The following PEX1 variants were observed in gnomAD, a reference collection of about 807,000 sequenced individuals.
PEX1 encodes peroxisomal biogenesis factor 1.
A neutral mutation model predicts 152.5 loss-of-function variants in PEX1; 97 were observed. That is an observed-to-expected ratio of 0.64 (90% CI 0.54 to 0.75). The LOEUF is 0.75. Among genes scored for constraint, PEX1 ranks in the 30% least tolerant of loss-of-function variants. The probability of loss-of-function intolerance (pLI) is 0.00; values close to 1 mark genes in which losing one functional copy is unlikely to be tolerated. For synonymous variants in PEX1, 485 were observed against 531.6 expected (o/e 0.91, Z 1.21); for missense variants, 1,357 against 1,516.3 (o/e 0.89, Z 1.74).
rs148562385 is a variant in PEX1 at position 92,494,803 on chromosome 7, A to T, written c.2784-174T>A. On this transcript the variant is annotated intron_variant, in intron 17 of 23. Transcript: ENST00000248633. ...AAGTTGTATGTAATTACATATAAAT[A>T]CATATAAATGTATTTATATATATTT... is the stretch of plus-strand genomic sequence containing the variant. Among the ~76,000 whole-genome samples the T allele has an allele frequency of 5.3e-3, 802 of 151,344 alleles. 5 individuals are homozygous for T. Among genetic ancestry groups the T allele is most frequent in the African/African-American group, 0.018 (738 of 41,456 alleles).
intron 19 of PEX1, 92 bp from the exon 20 acceptor site, chr7:92,493,221 C>T (rs1205344260): frequency 4.2e-6 from 3 of 722,254 alleles, no homozygotes; most frequent in Non-Finnish European, 6.8e-6. Flanking sequence ...CATAAATTAA[C>T]CTTATATATC....
At chr7:92,528,271 G>C in intron 1 of PEX1, 36 bp downstream of exon 1, 1 of 1,547,770 alleles carries the variant, frequency 6.5e-7, no homozygotes, top group South Asian at 1.2e-5. Context: ...TCCGACCCCA[G>C]GCTGAAGATC....
At chr7:92,516,603 A>G (rs1290498787) in intron 5 of PEX1, among the ~76,000 whole-genome samples, 1 of 152,076 alleles carries the variant, frequency 6.6e-6, no homozygotes, top group Non-Finnish European at 1.5e-5. Context: ...CTTTATCACT[A>G]TGAAGTCTTA....
chr7:92,499,748 C>T lies in PEX1; in HGVS notation c.2674G>A (p.Gly892Arg), dbSNP rs1350051386. The part of the protein sequence containing the change: ...PPGTGKTLLA[G>R]VIARESRMNF... Reference sequence around the variant, plus strand: ...ATTCTACTCTCTCGTGCAATTACCCCAGCTAGTAAGGTTTTTCCTGTTCCA... The same window carrying T: ...ATTCTACTCTCTCGTGCAATTACCCTAGCTAGTAAGGTTTTTCCTGTTCCA... Residue 892 changes from glycine (G) to arginine (R), a missense_variant, in exon 16 of 24, where the codon GGG becomes AGG. Physicochemically the swap from Gly to Arg is moderately radical, Grantham distance 125. Transcript: ENST00000248633. 1 of 1,613,328 alleles carries T rather than the reference C, an allele frequency of 6.2e-7. No homozygotes were observed. The highest frequency in any genetic ancestry group is 1.3e-5 in the African/African-American group (1 of 74,888).
At chr7:92,493,831 T>G in intron 19 of PEX1, 1 of 193,230 alleles carries the variant, frequency 5.2e-6, no homozygotes, top group South Asian at 1.0e-4. Flanking sequence ...TGTCTATCTG[T>G]TCTTTCATTC....
chr7:92,522,246 C>A lies in PEX1; in HGVS notation c.130-1G>T, dbSNP rs1028247729. ...TCCAGACCACTTCTATAGCTTGATT[C>A]TATTCATATAAGAAATGAGAGGAAA... is the stretch of plus-strand genomic sequence containing the variant. On this transcript the variant is annotated splice_acceptor_variant, in intron 1 of 23. Coordinates refer to ENST00000248633, the MANE Select transcript of PEX1 (RefSeq NM_000466.3). LOFTEE classifies it high-confidence loss of function. 2.5e-6 allele frequency: 4 copies of A among 1,613,682 alleles called. No homozygotes were observed. Among genetic ancestry groups the A allele is most frequent in the Non-Finnish European group, 3.4e-6 (4 of 1,179,926 alleles).
rs989737484 is a variant in PEX1, at chr7:92,517,636, T to C, written c.879A>G (p.Gln293=). The change falls in exon 5 of 24, where the codon CAA becomes CAG. Residue 293 remains glutamine, a synonymous_variant. Transcript: ENST00000248633. ...CTGACGCGTTATATATACTAGGAGG[T>C]TGAGATTTGCATACTCTGAAAATAT... ...LDNIFRVCKS[Q]PPSIYNASAT... is the part of the protein sequence containing the mutation. 1.2e-6 allele frequency: 2 copies of C among 1,613,894 alleles called. No individual in the cohort carries two copies. The highest frequency in any genetic ancestry group is 2.2e-5 in the East Asian group (1 of 44,880).
intron 8 of PEX1, 176 bp downstream of exon 8, chr7:92,510,768 T>C (rs1158393797): frequency 4.1e-6 from 2 of 491,250 alleles, no homozygotes; most frequent in Non-Finnish European, 7.3e-6. Flanking sequence ...GTCAATAATT[T>C]GTACAGATAA....
chr7:92,512,652 G>A (rs1366616875), intron 6 of PEX1, among the ~76,000 whole-genome samples: 6 of 151,696 alleles, frequency 4.0e-5, no homozygotes, highest in African/African-American at 4.8e-5. Context: ...ACCACGCCCC[G>A]ATAATTTTGG....
intron 5 of PEX1, among the ~76,000 whole-genome samples, chr7:92,516,048 G>GAAAA (rs1349969074): frequency 2.1e-3 from 193 of 92,000 alleles, no homozygotes; most frequent in African/African-American, 7.9e-3. Context: ...GAAGAGAAGA[G>GAAAA]AAGAGAAAAA....
intron 10 of PEX1, 130 bp from the exon 11 acceptor site, chr7:92,506,474 G>C: frequency 4.3e-6 from 3 of 698,838 alleles, no homozygotes; most frequent in Non-Finnish European, 7.8e-6. Context: ...AAGAAGAGGA[G>C]AGAATACTTC....
At chr7:92,508,050 GC>G (rs1210644605) in intron 9 of PEX1, among the ~76,000 whole-genome samples, 1 of 152,048 alleles carries the variant, frequency 6.6e-6, no homozygotes, top group Non-Finnish European at 1.5e-5. Context: ...AACACCTCTA[GC>G]CCCCAAATGA....
rs541700784 is a variant in PEX1, at chr7:92,509,432, C to T, written c.1588-21G>A. 4.5e-6 allele frequency: 7 copies of T among 1,546,202 alleles called. No homozygotes were observed. The South Asian group carries it at 7.8e-5, about 17-fold the overall frequency. The stretch of plus-strand genomic sequence containing the variant: ...AGGACCTACAGTTGCAAGGAAAAAT[C>T]AGTTTTACATTTCAAAGTATGTCTT... On this transcript the variant is annotated intron_variant, in intron 8 of 23. Coordinates refer to ENST00000248633, the MANE Select transcript of PEX1 (RefSeq NM_000466.3).
In PEX1 at chr7:92,518,002, A is replaced by G. The variant is rs1306750859; in HGVS notation, c.513T>C (p.Thr171=). The stretch of plus-strand genomic sequence containing the variant: ...TTGGCTGAATAAGGAGTTTGGTGTC[A>G]GTTTCCAGCCTTCCATAAGAGGCAG... ...IPAASYGRLE[T]DTKLLIQPKT... Residue 171 remains threonine, a synonymous_variant, in exon 5 of 24, where the codon ACT becomes ACC. Transcript: ENST00000248633. 2.5e-6 allele frequency: 4 copies of G among 1,613,922 alleles called. No homozygotes were observed. Among genetic ancestry groups the G allele is most frequent in the East Asian group, 4.5e-5 (2 of 44,888 alleles).
At chr7:92,498,039 C>G (rs996952107) in intron 16 of PEX1, among the ~76,000 whole-genome samples, 18 of 140,814 alleles carry the variant, frequency 1.3e-4, no homozygotes, top group African/African-American at 4.9e-4. Flanking sequence ...CCACTCTAGC[C>G]TGGTAACACA....
chr7:92,500,851 T>C (rs949334106), intron 15 of PEX1, among the ~76,000 whole-genome samples: 9 of 152,244 alleles, frequency 5.9e-5, no homozygotes, highest in Non-Finnish European at 1.2e-4. Flanking sequence ...GCCTCGTCTA[T>C]GCCTGCCAAG....
intron 6 of PEX1, among the ~76,000 whole-genome samples, chr7:92,512,205 A>G (rs974438970): frequency 6.6e-6 from 1 of 152,130 alleles, no homozygotes; most frequent in Admixed American, 6.5e-5. Flanking sequence ...TATTTTTGGT[A>G]GACATGGGGT....
chr7:92,520,345 T>G (rs564931202), intron 2 of PEX1, among the ~76,000 whole-genome samples: 17 of 152,320 alleles, frequency 1.1e-4, no homozygotes, highest in African/African-American at 4.1e-4. Context: ...ATTTTAAGAT[T>G]CTAGCAACAA....
chr7:92,507,364 G>A (rs1585239091), intron 9 of PEX1: 4 of 420,062 alleles, frequency 9.5e-6, no homozygotes, highest in South Asian at 2.5e-5. Flanking sequence ...TCAGCCTCCC[G>A]AGTAGCTGGG....
Sources: gnomAD v4.1 joint callset for allele counts (sites outside exome capture counted in the v4.1 genomes callset) on GRCh38, gnomAD v4.1.1 for gene constraint, MANE v1.5 for transcripts, NCBI Gene and HGNC (gene_info 2026-07-23, HGNC 2026-07-21) for gene names.